The following PSME4 variants were observed in gnomAD, a reference collection of about 807,000 sequenced individuals.
PSME4 encodes proteasome activator complex subunit 4.
A neutral mutation model predicts 253.9 loss-of-function variants in PSME4; 89 were observed. That is an observed-to-expected ratio of 0.35 (90% CI 0.30 to 0.42). The LOEUF (loss-of-function observed/expected upper bound fraction) is 0.42, where lower values mean the gene tolerates loss of function less well. PSME4 is among the 10% of genes least tolerant of loss of function. PSME4 has a pLI of 1.00. For missense variants in PSME4, 2,014 were observed against 2,195.2 expected, an observed-to-expected ratio of 0.92 and a Z score of 1.65; for synonymous variants, 851 against 759.2, an observed-to-expected ratio of 1.12 and a Z score of -1.99.
rs567380067 is a variant in PSME4, at chr2:53,949,174, C to G, written c.352G>C (p.Gly118Arg). 1.9e-6 allele frequency: 3 copies of G among 1,608,380 alleles called. No homozygotes were observed. The South Asian group carries it at 3.3e-5, about 18-fold the overall frequency. The change falls in exon 2 of 47, where the codon GGA (glycine) becomes CGA (arginine). Residue 118 changes from glycine (G) to arginine (R), a missense_variant. By Grantham distance (125) the Gly-to-Arg change is moderately radical (BLOSUM62 -2). Around this residue, in one of 4 missense-constraint regions of PSME4, gnomAD observed 615 missense variants for 594.4 expected, o/e 1.03. Coordinates refer to ENST00000404125, the MANE Select transcript of PSME4 (RefSeq NM_014614.3). ...IPKLEISMMQ[G>R]FARLLINLLK... ...AAGTTGATCAAAAGGCGGGCAAATC[C>G]CTGCATCATGCTGATTTCCAGTTTT... is the stretch of plus-strand genomic sequence containing the variant.
At chr2:53,871,900 G>C (rs1678895568) in intron 43 of PSME4, among the ~76,000 whole-genome samples, 1 of 151,998 alleles carries the variant, frequency 6.6e-6, no homozygotes. Context: ...TGTAATCCCA[G>C]CTACTCAGGA....
intron 20 of PSME4, among the ~76,000 whole-genome samples, chr2:53,914,935 T>C (rs777272042): frequency 6.6e-6 from 1 of 152,206 alleles, no homozygotes; most frequent in Non-Finnish European, 1.5e-5. Flanking sequence ...GTACATGGCA[T>C]CCCCAAAGTG....
At chr2:53,917,057 TTAAG>T (rs10558627) in intron 20 of PSME4, among the ~76,000 whole-genome samples, 43,679 of 150,760 alleles carry the variant, frequency 0.29, 6,699 homozygotes, top group South Asian at 0.47. Context: ...CATTATATTA[TTAAG>T]TATCAGGAAG....
At chr2:53,915,111 A>G (rs886644088) in intron 20 of PSME4, among the ~76,000 whole-genome samples, 1 of 152,088 alleles carries the variant, frequency 6.6e-6, no homozygotes, top group African/African-American at 2.4e-5. Context: ...ATTAGGACTA[A>G]GTTAGACATT....
chr2:53,872,244 C>A (rs565397600), intron 43 of PSME4, among the ~76,000 whole-genome samples: 1 of 152,204 alleles, frequency 6.6e-6, no homozygotes, highest in South Asian at 2.1e-4. Flanking sequence ...TATATTTAGC[C>A]TTCTCAGCTA....
chr2:53,908,398 T>A lies in PSME4; in HGVS notation c.2706A>T (p.Gln902His), dbSNP rs146297038. ...LIIKIIGDLL[Q>H]FQGSHKHEFD... ...ATTCATGCTTGTGAGATCCTTGGAA[T>A]TGTAAAAGGTCTCCAATAATCTGTG... The change falls in exon 24 of 47, where the codon CAA becomes CAT. Residue 902 changes from glutamine (Q) to histidine (H), a missense_variant. Coordinates refer to ENST00000404125, the MANE Select transcript of PSME4 (RefSeq NM_014614.3). 1.2e-6 allele frequency: 2 copies of A among 1,613,270 alleles called. No individual in the cohort carries two copies. The highest frequency in any genetic ancestry group is 1.7e-5 in the Admixed American group (1 of 59,958).
At chr2:53,893,472 T>C (rs908315943) in intron 35 of PSME4, among the ~76,000 whole-genome samples, 1 of 152,204 alleles carries the variant, frequency 6.6e-6, no homozygotes, top group Admixed American at 6.5e-5. Flanking sequence ...TTGTATTATA[T>C]ATTAATGCTA....
At position 53,865,526 on chromosome 2, in the gene PSME4, AG is replaced by A. The variant is rs1250421357; in HGVS notation, c.*51del. Reference sequence around the variant, plus strand: ...AGAGAGCCACCACAGATGGTACCTGAGGGTGTGGAATTTTTGATGAAAAGAG... The same window carrying A: ...AGAGAGCCACCACAGATGGTACCTGAGGTGTGGAATTTTTGATGAAAAGAG... On this transcript the variant is annotated 3_prime_UTR_variant, in exon 47 of 47. Coordinates refer to ENST00000404125, the MANE Select transcript of PSME4 (RefSeq NM_014614.3). The A allele has an allele frequency of 6.6e-6, 1 of 152,300 alleles. No individual in the cohort carries two copies. The highest frequency in any genetic ancestry group is 1.9e-4 in the East Asian group (1 of 5,212). 9.4% of individuals were successfully genotyped at this position (152,300 alleles called of 1,614,324 possible).
chr2:53,954,336 A>C (rs1670135650), intron 1 of PSME4, among the ~76,000 whole-genome samples: 1 of 149,924 alleles, frequency 6.7e-6, no homozygotes, highest in African/African-American at 2.5e-5. Flanking sequence ...TCAAAAAAAA[A>C]AGGAAAGAAA....
intron 1 of PSME4, among the ~76,000 whole-genome samples, chr2:53,966,460 G>C (rs1355528528): frequency 6.6e-6 from 1 of 151,866 alleles, no homozygotes; most frequent in Non-Finnish European, 1.5e-5. Context: ...TCAAGAGTTT[G>C]AGACTGGCCT....
intron 29 of PSME4, 126 bp downstream of exon 29, chr2:53,899,755 T>C: frequency 2.6e-6 from 3 of 1,142,200 alleles, no homozygotes; most frequent in African/African-American, 1.6e-5. Context: ...GAGGTGAAGG[T>C]TGCAGTGAGC....
chr2:53,970,691 T>A lies in PSME4; in HGVS notation c.94A>T (p.Ile32Phe), dbSNP rs1188758260. 1.3e-6 allele frequency: 2 copies of A among 1,549,554 alleles called. No individual in the cohort carries two copies. Reference protein sequence around the residue: ...GPRGFVPQKEIVYNKLLPYAE... With the variant: ...GPRGFVPQKEFVYNKLLPYAE... ...TAGGGCAGCAGCTTGTTGTAGACGATCTCCTTCTGCGGGACGAAGCCCCGC... is the reference window on the plus strand; with the variant it reads ...TAGGGCAGCAGCTTGTTGTAGACGAACTCCTTCTGCGGGACGAAGCCCCGC... The change falls in exon 1 of 47, where the codon ATC (isoleucine) becomes TTC (phenylalanine). Residue 32 changes from isoleucine to phenylalanine, a missense_variant. Ile to Phe is a conservative substitution (Grantham distance 21). This residue lies in a region of PSME4 where 615 missense variants were observed against 594.4 expected (regional missense o/e 1.03). Transcript: ENST00000404125.
At chr2:53,922,606 TA>T (rs1336297069) in intron 16 of PSME4, 22 bp from the exon 17 acceptor site, 4 of 1,606,844 alleles carry the variant, frequency 2.5e-6, no homozygotes, top group Admixed American at 1.7e-5. Flanking sequence ...AAAATACTAT[TA>T]GGGGGAAAAA....
chr2:53,913,799 C>T (rs558828553), intron 20 of PSME4, among the ~76,000 whole-genome samples: 55 of 152,204 alleles, frequency 3.6e-4, no homozygotes, highest in Non-Finnish European at 6.3e-4. Flanking sequence ...ACTTCCAAGT[C>T]TGACACATAA....
In PSME4 at chr2:53,928,174, T is replaced by G. The variant is rs769688207; in HGVS notation, c.1446A>C (p.Leu482=). The G allele has an allele frequency of 6.2e-7, 1 of 1,614,032 alleles. No homozygotes were observed. The highest frequency in any genetic ancestry group is 1.1e-5 in the South Asian group (1 of 91,070). ...CAGGCAATGCTCTCATCAACAGAGG[T>G]AGCATATGTGTAGGACCTTCAGGAA... ...RWFPEGPTHM[L]PLLMRALPGV... The change falls in exon 11 of 47, where the codon CTA becomes CTC. Residue 482 remains leucine (L), a synonymous_variant. Coordinates refer to ENST00000404125, the MANE Select transcript of PSME4 (RefSeq NM_014614.3).
intron 31 of PSME4, among the ~76,000 whole-genome samples, chr2:53,897,098 T>C (rs1266770166): frequency 2.0e-5 from 3 of 151,926 alleles, no homozygotes; most frequent in African/African-American, 4.8e-5. Context: ...CTAGTCTCTC[T>C]GCCTAGAAAA....
At chr2:53,896,068 C>G (rs1050134318) in intron 32 of PSME4, among the ~76,000 whole-genome samples, 1 of 151,660 alleles carries the variant, frequency 6.6e-6, no homozygotes, top group African/African-American at 2.4e-5. Context: ...CAAAAAATTC[C>G]CACATCTTTT....
intron 12 of PSME4, among the ~76,000 whole-genome samples, chr2:53,926,860 G>C (rs1668578316): frequency 6.6e-6 from 1 of 151,548 alleles, no homozygotes; most frequent in Admixed American, 6.6e-5. Context: ...TGTAGTCCCA[G>C]CTACTCGGGA....
intron 31 of PSME4, 138 bp from the exon 32 acceptor site, chr2:53,897,023 T>C (rs540344738): frequency 2.0e-5 from 13 of 660,470 alleles, no homozygotes; most frequent in Admixed American, 9.9e-5. Context: ...AGTACATCCA[T>C]GTGAGTGCTA....
Sources: allele counts gnomAD v4.1 joint callset (sites outside exome capture counted in the v4.1 genomes callset), GRCh38; gene constraint gnomAD v4.1.1; regional missense constraint gnomAD v4.1.1; transcripts MANE v1.5; gene names NCBI Gene and HGNC (gene_info 2026-07-23, HGNC 2026-07-21).